Variants in ADM2 observed in about 807,000 individuals in gnomAD.
ADM2 encodes the protein adrenomedullin 2.
In ADM2, 5 loss-of-function variants were observed where a neutral mutation model predicts 7.1. The ratio of observed to expected loss-of-function variants is 0.71; its 90% confidence interval spans 0.37 to 1.49. The LOEUF (loss-of-function observed/expected upper bound fraction) is 1.49, where lower values mean the gene tolerates loss of function less well. Ranked by LOEUF, ADM2 falls within the 40% of genes most tolerant of loss-of-function variation. The pLI is 0.03. For synonymous variants in ADM2, 123 were observed against 92.8 expected, an observed-to-expected ratio of 1.33 and a Z score of -1.87; for missense variants, 236 against 211.2, an observed-to-expected ratio of 1.12 and a Z score of -0.73.
Position 50,482,789 on chromosome 22 carries a change from G to T in ADM2, c.333G>T (p.Val111=). The T allele has an allele frequency of 6.2e-7, 1 of 1,608,164 alleles. No homozygotes were observed. ...CCCAGCTCCTGCGAGTGGGCTGTGT[G>T]CTGGGCACCTGCCAGGTGCAGAATC... is the stretch of plus-strand genomic sequence containing the variant. ...TQAQLLRVGC[V]LGTCQVQNLS... is the part of the protein sequence containing the mutation. Residue 111 remains valine, a synonymous_variant, in exon 3 of 3, where the codon GTG becomes GTT. Coordinates refer to ENST00000395737, the MANE Select transcript of ADM2 (RefSeq NM_001253845.2).
In ADM2 at chr22:50,482,612, C is replaced by A. The variant is rs1290451349; in HGVS notation, c.156C>A (p.His52Gln). The A allele has an allele frequency of 3.3e-6, 5 of 1,495,998 alleles. No individual in the cohort carries two copies. Among genetic ancestry groups the A allele is most frequent in the Non-Finnish European group, 4.5e-6 (5 of 1,121,554 alleles). The allele number at this position is 1,495,998 out of a possible 1,614,324, so 92.7% of individuals were successfully genotyped here. ...CTTCCAGCAGCCTGCAGCCCAGGCA[C>A]CCCGCACCCCGACCTGTGGTCTGGA... is the stretch of plus-strand genomic sequence containing the variant. ...RSPSSSLQPRHPAPRPVVWKL... is the reference protein window; with the variant it reads ...RSPSSSLQPRQPAPRPVVWKL... Residue 52 changes from histidine (H) to glutamine (Q), a missense_variant, in exon 3 of 3, where the codon CAC (histidine) becomes CAA (glutamine). By Grantham distance (24) the His-to-Gln change is conservative. Transcript: ENST00000395737.
chr22:50,482,032 C>A, intron 2 of ADM2, 75 bp downstream of exon 2: 1 of 1,355,900 alleles, frequency 7.4e-7, no homozygotes, highest in Non-Finnish European at 1.0e-6. Context: ...CGCGGGGCCG[C>A]CCTCCCTCCA....
chr22:50,481,726 C>A lies in ADM2; in HGVS notation c.-49C>A. The stretch of plus-strand genomic sequence containing the variant: ...GGACGCCCGTGCCCAGCTTGCCACG[C>A]CCACGCCCGGCGCCCCGACCGCGGA... On this transcript the variant is annotated 5_prime_UTR_variant, in exon 1 of 3. Transcript: ENST00000395737. The A allele has an allele frequency of 1.8e-6, 1 of 548,878 alleles. No homozygotes were observed. The highest frequency in any genetic ancestry group is 2.9e-6 in the Non-Finnish European group (1 of 350,058). 34.0% of individuals were successfully genotyped at this position (548,878 alleles called of 1,614,324 possible).
Position 50,486,294 on chromosome 22 carries a change from G to T in ADM2, c.*3391G>T. ...GATCCTCATTGAGCCACTCCAGTGAGAATCCCCCTACCCTCGAAGGCCGCC... is the reference window on the plus strand; with the variant it reads ...GATCCTCATTGAGCCACTCCAGTGATAATCCCCCTACCCTCGAAGGCCGCC... On this transcript the variant is annotated 3_prime_UTR_variant, in exon 3 of 3. Coordinates refer to ENST00000395737, the MANE Select transcript of ADM2 (RefSeq NM_001253845.2). The T allele has an allele frequency of 6.5e-6, 1 of 154,508 alleles. No individual in the cohort carries two copies. The highest frequency in any genetic ancestry group is 6.4e-5 in the Admixed American group (1 of 15,706). The allele number at this position is 154,508 out of a possible 1,614,324, so 9.6% of individuals were successfully genotyped here.
In ADM2 at chr22:50,481,647, C is replaced by A; in HGVS notation, c.-128C>A. 1 of 288,170 alleles carries A rather than the reference C, an allele frequency of 3.5e-6. No individual in the cohort carries two copies. The highest frequency in any genetic ancestry group is 6.3e-6 in the Non-Finnish European group (1 of 157,820). 17.9% of individuals were successfully genotyped at this position (288,170 alleles called of 1,614,324 possible). ...CCCGCTCCGCCTTGCGCCCCGGACC[C>A]GCGGCCGACCCCAGACCCGCTGCCC... On this transcript the variant is annotated 5_prime_UTR_variant, in exon 1 of 3. Transcript: ENST00000395737.
At position 50,483,920 on chromosome 22, in the gene ADM2, C is replaced by T. The variant is rs761783278; in HGVS notation, c.*1017C>T. The T allele has an allele frequency of 1.3e-5, 2 of 152,978 alleles. No homozygotes were observed. The highest frequency in any genetic ancestry group is 2.9e-5 in the Non-Finnish European group (2 of 68,678). The allele number at this position is 152,978 out of a possible 1,614,324, so 9.5% of individuals were successfully genotyped here. A position where few individuals can be genotyped will look rare whatever the true frequency, so the allele number is the denominator to read the frequency against. ...ACTCACATGTGCCTGCCACTGGAGC[C>T]TCTCAACCGTCCAGCAGAACACGGG... On this transcript the variant is annotated 3_prime_UTR_variant, in exon 3 of 3. Coordinates refer to ENST00000395737, the MANE Select transcript of ADM2 (RefSeq NM_001253845.2).
chr22:50,483,055 C>A lies in ADM2; in HGVS notation c.*152C>A. On this transcript the variant is annotated 3_prime_UTR_variant, in exon 3 of 3. Transcript: ENST00000395737. ...ACCTGCACGGCTTTGCACACGTAAA[C>A]CTAGGCTGGTCTACACGCAGTGCTG... The A allele has an allele frequency of 7.6e-7, 1 of 1,309,550 alleles. No homozygotes were observed. Among genetic ancestry groups the A allele is most frequent in the Non-Finnish European group, 1.1e-6 (1 of 940,860 alleles). The allele number at this position is 1,309,550 out of a possible 1,614,324, so 81.1% of individuals were successfully genotyped here.
rs973734464 is a variant in ADM2 at position 50,482,711 on chromosome 22, TGGCCGCCAACACTCG to T, written c.260_274del (p.Arg87_Gly91del). 4.4e-6 allele frequency: 7 copies of T among 1,605,572 alleles called. No homozygotes were observed. The highest frequency in any genetic ancestry group is 2.7e-5 in the African/African-American group (2 of 74,792). On this transcript the variant is annotated inframe_deletion, in exon 3 of 3. Coordinates refer to ENST00000395737, the MANE Select transcript of ADM2 (RefSeq NM_001253845.2). ...TTATGGGTCAGCCTCTCCGGGATGG[TGGCCGCCAACACTCG>T]GGCCCCCGAAGACACTCGGGCCCCC...
chr22:50,483,371 C>G lies in ADM2; in HGVS notation c.*468C>G, dbSNP rs1355046046. The G allele has an allele frequency of 4.6e-6, 2 of 430,632 alleles. No homozygotes were observed. The highest frequency in any genetic ancestry group is 4.9e-5 in the Admixed American group (2 of 41,018). The allele number at this position is 430,632 out of a possible 1,614,324, so 26.7% of individuals were successfully genotyped here. ...ACAACCAGCCCTTCCACGTGCCTGC[C>G]TGTGGGACAGGAGGGGGAGCGTGGG... On this transcript the variant is annotated 3_prime_UTR_variant, in exon 3 of 3. Transcript: ENST00000395737.
chr22:50,482,845 C>CGG lies in ADM2; in HGVS notation c.390_391dup (p.Ala131GlyfsTer187). The CGG allele has an allele frequency of 1.2e-6, 2 of 1,606,522 alleles. No individual in the cohort carries two copies. The highest frequency in any genetic ancestry group is 8.5e-7 in the Non-Finnish European group (1 of 1,178,684). On this transcript the variant is annotated frameshift_variant, in exon 3 of 3. Coordinates refer to ENST00000395737, the MANE Select transcript of ADM2 (RefSeq NM_001253845.2). LOFTEE classifies it high-confidence loss of function. ...CACCGCCTGTGGCAACTCATGGGAC[C>CGG]GGCCGGCCGGCAGGACTCAGCTCCT... is the stretch of plus-strand genomic sequence containing the variant.
Position 50,482,633 on chromosome 22 carries a change from C to T in ADM2, c.177C>T (p.Val59=), listed in dbSNP as rs577318006. The stretch of plus-strand genomic sequence containing the variant: ...GGCACCCCGCACCCCGACCTGTGGT[C>T]TGGAAGCTTCACCGGGCCCTCCAGG... ...QPRHPAPRPV[V]WKLHRALQAQ... is the part of the protein sequence containing the mutation. The change falls in exon 3 of 3, where the codon GTC becomes GTT. Residue 59 remains valine (V), a synonymous_variant. Coordinates refer to ENST00000395737, the MANE Select transcript of ADM2 (RefSeq NM_001253845.2). 3.8e-5 allele frequency: 58 copies of T among 1,537,820 alleles called. No homozygotes were observed. Among genetic ancestry groups the T allele is most frequent in the Non-Finnish European group, 5.0e-5 (57 of 1,140,404 alleles).
chr22:50,485,881 G>C lies in ADM2; in HGVS notation c.*2978G>C, dbSNP rs531779964. 1 of 152,692 alleles carries C rather than the reference G, an allele frequency of 6.5e-6. No homozygotes were observed. Among genetic ancestry groups the C allele is most frequent in the African/African-American group, 2.4e-5 (1 of 41,390 alleles). 9.5% of individuals were successfully genotyped at this position (152,692 alleles called of 1,614,324 possible). On this transcript the variant is annotated 3_prime_UTR_variant, in exon 3 of 3. Transcript: ENST00000395737. Reference sequence around the variant, plus strand: ...CACTGCCCTCTCTCCTGCCCCAGCCGACTGCTGTTCCCAGACTTCCCTGGC... The same window carrying C: ...CACTGCCCTCTCTCCTGCCCCAGCCCACTGCTGTTCCCAGACTTCCCTGGC...
At position 50,486,069 on chromosome 22, in the gene ADM2, C is replaced by G. The variant is rs942857590; in HGVS notation, c.*3166C>G. On this transcript the variant is annotated 3_prime_UTR_variant, in exon 3 of 3. Transcript: ENST00000395737. ...CCCCTCTCCCAGAGCCTGACACACT[C>G]TGTGGCCGAACTCTAGGCAGGTGCC... The G allele has an allele frequency of 3.9e-5, 6 of 152,162 alleles. No individual in the cohort carries two copies. 9.4% of individuals were successfully genotyped at this position (152,162 alleles called of 1,614,324 possible). A position where few individuals can be genotyped will look rare whatever the true frequency, so the allele number is the denominator to read the frequency against.
At chr22:50,482,509 G>T in intron 2 of ADM2, 58 bp from the exon 3 acceptor site, 1 of 1,440,074 alleles carries the variant, frequency 6.9e-7, no homozygotes, top group Non-Finnish European at 9.1e-7. Flanking sequence ...AAGTGGGCAG[G>T]TGTGAGTTCT....
rs2068268140 is a variant in ADM2, at chr22:50,486,357, C to G, written c.*3454C>G. ...CATCCGCTGACCCCTCCAACGCCAT[C>G]AATCTCCAGCTGTGGTTGTTGAACT... On this transcript the variant is annotated 3_prime_UTR_variant, in exon 3 of 3. Transcript: ENST00000395737. The G allele has an allele frequency of 6.3e-6, 1 of 158,382 alleles. No homozygotes were observed. Among genetic ancestry groups the G allele is most frequent in the South Asian group, 1.9e-4 (1 of 5,326 alleles). 9.8% of individuals were successfully genotyped at this position (158,382 alleles called of 1,614,324 possible). A position where few individuals can be genotyped will look rare whatever the true frequency, so the allele number is the denominator to read the frequency against.
Position 50,483,882 on chromosome 22 carries a change from G to A in ADM2, c.*979G>A, listed in dbSNP as rs2068230889. 6.5e-6 allele frequency: 1 copy of A among 153,642 alleles called. No individual in the cohort carries two copies. The highest frequency in any genetic ancestry group is 2.4e-5 in the African/African-American group (1 of 41,442). 9.5% of individuals were successfully genotyped at this position (153,642 alleles called of 1,614,324 possible). On this transcript the variant is annotated 3_prime_UTR_variant, in exon 3 of 3. Coordinates refer to ENST00000395737, the MANE Select transcript of ADM2 (RefSeq NM_001253845.2). The stretch of plus-strand genomic sequence containing the variant: ...ACAGACTTGGTGTGTGTCCTTCCCT[G>A]GGGGGACGGGGGACTCACATGTGCC...
In ADM2 at chr22:50,484,493, A is replaced by G. The variant is rs1300469142; in HGVS notation, c.*1590A>G. 1 of 152,300 alleles carries G rather than the reference A, an allele frequency of 6.6e-6. No individual in the cohort carries two copies. Among genetic ancestry groups the G allele is most frequent in the Non-Finnish European group, 1.5e-5 (1 of 68,164 alleles). 9.4% of individuals were successfully genotyped at this position (152,300 alleles called of 1,614,324 possible). On this transcript the variant is annotated 3_prime_UTR_variant, in exon 3 of 3. Transcript: ENST00000395737. ...GTGGAGGGGCCTCGGCCTCAGAGTC[A>G]TGTGCCCTGTGACCACTGAAGGGTG...
chr22:50,486,226 C>T lies in ADM2; in HGVS notation c.*3323C>T, dbSNP rs1317540274. On this transcript the variant is annotated 3_prime_UTR_variant, in exon 3 of 3. Coordinates refer to ENST00000395737, the MANE Select transcript of ADM2 (RefSeq NM_001253845.2). ...ACCCTCGATATCTGATCCCATTCCT[C>T]ATCTCCCACCCTTGATCTCATCACC... 1 of 152,544 alleles carries T rather than the reference C, an allele frequency of 6.6e-6. No homozygotes were observed. The highest frequency in any genetic ancestry group is 1.5e-5 in the Non-Finnish European group (1 of 68,348). The allele number at this position is 152,544 out of a possible 1,614,324, so 9.4% of individuals were successfully genotyped here.
Position 50,484,398 on chromosome 22 carries a change from C to T in ADM2, c.*1495C>T, listed in dbSNP as rs2068238263. The T allele has an allele frequency of 6.6e-6, 1 of 152,436 alleles. No individual in the cohort carries two copies. The allele number at this position is 152,436 out of a possible 1,614,324, so 9.4% of individuals were successfully genotyped here. ...TGAGGTCTGAGGACAGCAGGCCTTC[C>T]CTAGGGGAAGGAGCTGGGAGTGCCA... On this transcript the variant is annotated 3_prime_UTR_variant, in exon 3 of 3. Coordinates refer to ENST00000395737, the MANE Select transcript of ADM2 (RefSeq NM_001253845.2).
Sources: gnomAD v4.1 joint callset for allele counts on GRCh38, gnomAD v4.1.1 for gene constraint, MANE v1.5 for transcripts, NCBI Gene and HGNC (gene_info 2026-07-23, HGNC 2026-07-21) for gene names.